The following ALDH1A2 variants were observed in gnomAD, a reference collection of about 807,000 sequenced individuals.
ALDH1A2 encodes the protein retinal dehydrogenase 2.
In ALDH1A2, 27 loss-of-function variants were observed where a neutral mutation model predicts 60.3. The ratio of observed to expected loss-of-function variants is 0.45; its 90% CI spans 0.33 to 0.62. The LOEUF is 0.62. ALDH1A2 is among the 20% of genes least tolerant of loss of function. The probability of loss-of-function intolerance (pLI) is 0.02; values close to 1 mark genes in which losing one functional copy is unlikely to be tolerated. For missense variants in ALDH1A2, 581 were observed against 643.8 expected, an observed-to-expected ratio of 0.90 and a Z score of 1.06; for synonymous variants, 289 against 232.4, an observed-to-expected ratio of 1.24 and a Z score of -2.21.
At chr15:58,010,572 C>A in intron 4 of ALDH1A2, 77 bp downstream of exon 4, 1 of 1,579,948 alleles carries the variant, frequency 6.3e-7, no homozygotes, top group Non-Finnish European at 8.7e-7. Flanking sequence ...TGTGTGACTG[C>A]TGTTTGTGTT....
At chr15:58,024,959 T>C (rs1215270985) in intron 1 of ALDH1A2, among the ~76,000 whole-genome samples, 6 of 151,958 alleles carry the variant, frequency 3.9e-5, no homozygotes, top group South Asian at 2.1e-4. Context: ...CAAATAAAAA[T>C]AGAAATTTAA....
intron 7 of ALDH1A2, among the ~76,000 whole-genome samples, chr15:57,991,021 T>G (rs1255295047): frequency 6.6e-6 from 1 of 152,258 alleles, no homozygotes; most frequent in Non-Finnish European, 1.5e-5. Flanking sequence ...AACCAAGAAC[T>G]TTACTTAATC....
intron 1 of ALDH1A2, among the ~76,000 whole-genome samples, chr15:58,051,155 T>C (rs1345770626): frequency 1.3e-5 from 2 of 152,158 alleles, no homozygotes; most frequent in African/African-American, 4.8e-5. Flanking sequence ...TTTAAAGAAT[T>C]AAATTATTCC....
At chr15:58,043,453 T>A (rs937800574) in intron 1 of ALDH1A2, among the ~76,000 whole-genome samples, 2 of 152,030 alleles carry the variant, frequency 1.3e-5, no homozygotes, top group African/African-American at 4.8e-5. Flanking sequence ...TGTGATAACA[T>A]AGGTTTGATT....
At chr15:58,039,274 T>G (rs557023987) in intron 1 of ALDH1A2, among the ~76,000 whole-genome samples, 36 of 151,766 alleles carry the variant, frequency 2.4e-4, no homozygotes, top group South Asian at 8.3e-4. Context: ...CCTTCTTTAT[T>G]AATAGTGACC....
intron 1 of ALDH1A2, among the ~76,000 whole-genome samples, chr15:58,025,986 C>A (rs1896068702): frequency 6.6e-6 from 1 of 152,222 alleles, no homozygotes; most frequent in Non-Finnish European, 1.5e-5. Flanking sequence ...CCAGGCTCCA[C>A]CTCCAACATT....
At chr15:57,990,342 G>A (rs1317631608) in intron 7 of ALDH1A2, 2 of 152,106 alleles carry the variant, frequency 1.3e-5, no homozygotes, top group Non-Finnish European at 2.9e-5. Context: ...TACAGTTACA[G>A]ATTTACAAGT....
intron 7 of ALDH1A2, among the ~76,000 whole-genome samples, chr15:57,984,399 ACT>A (rs1210270850): frequency 1.3e-5 from 2 of 152,096 alleles, no homozygotes; most frequent in African/African-American, 4.8e-5. Context: ...CATAAAATCC[ACT>A]CTTTTGATGT....
At chr15:58,003,526 G>C (rs533385599) in intron 4 of ALDH1A2, among the ~76,000 whole-genome samples, 4 of 151,820 alleles carry the variant, frequency 2.6e-5, no homozygotes, top group Non-Finnish European at 5.9e-5. Flanking sequence ...CTAACATATC[G>C]TAAGTCCATT....
At chr15:57,962,287 C>A in intron 9 of ALDH1A2, 111 bp from the exon 10 acceptor site, 1 of 1,321,310 alleles carries the variant, frequency 7.6e-7, no homozygotes, top group Non-Finnish European at 1.1e-6. Context: ...TTAACTACAC[C>A]CAGTCAGATC....
At chr15:57,991,443 A>C (rs1269397926) in intron 7 of ALDH1A2, 1 of 152,240 alleles carries the variant, frequency 6.6e-6, no homozygotes. Flanking sequence ...TTATTAATAA[A>C]TCTTTTATTA....
chr15:58,029,862 C>A (rs1001256078), intron 1 of ALDH1A2, among the ~76,000 whole-genome samples: 10 of 152,126 alleles, frequency 6.6e-5, no homozygotes, highest in Non-Finnish European at 1.3e-4. Context: ...TCTGAATAGA[C>A]CAATAATCAG....
chr15:57,959,640 C>T (rs1893656539), intron 12 of ALDH1A2, among the ~76,000 whole-genome samples: 1 of 152,000 alleles, frequency 6.6e-6, no homozygotes, highest in Admixed American at 6.6e-5. Context: ...CTCACAAGAA[C>T]CCTGAGGTAG....
chr15:57,985,682 T>C (rs1894675357), intron 7 of ALDH1A2, among the ~76,000 whole-genome samples: 2 of 152,168 alleles, frequency 1.3e-5, no homozygotes, highest in African/African-American at 4.8e-5. Flanking sequence ...TAGCAACAAA[T>C]ATTTACTATG....
At chr15:58,032,193 A>G (rs1290133723) in intron 1 of ALDH1A2, among the ~76,000 whole-genome samples, 2 of 152,186 alleles carry the variant, frequency 1.3e-5, no homozygotes, top group African/African-American at 2.4e-5. Flanking sequence ...TGATGAGTTC[A>G]TGTCCTTTGT....
chr15:58,034,635 C>T (rs1173245293), intron 1 of ALDH1A2, among the ~76,000 whole-genome samples: 2 of 151,550 alleles, frequency 1.3e-5, no homozygotes, highest in Non-Finnish European at 3.0e-5. Flanking sequence ...AGGAGATTCT[C>T]CTCTATTCAT....
Position 58,014,567 on chromosome 15 carries a change from T to C in ALDH1A2, c.118-286A>G, listed in dbSNP as rs138062267. On this transcript the variant is annotated intron_variant, in intron 1 of 12. Transcript: ENST00000249750. ...AGAGTGTCTCACATACATACAATCA[T>C]ACACTGATGCTAAGGCAAGAGTTAT... 2.9e-3 allele frequency: 1,436 copies of C among 486,962 alleles called. 11 individuals carry two copies. The highest frequency in any genetic ancestry group is 5.6e-3 in the Middle Eastern group (18 of 3,238). 30.2% of individuals were successfully genotyped at this position (486,962 alleles called of 1,614,324 possible). A position where few individuals can be genotyped will look rare whatever the true frequency, so the allele number is the denominator to read the frequency against.
intron 1 of ALDH1A2, among the ~76,000 whole-genome samples, chr15:58,027,377 C>A (rs942551046): frequency 2.0e-5 from 3 of 152,076 alleles, no homozygotes; most frequent in Non-Finnish European, 1.5e-5. Flanking sequence ...ACACCAAAAC[C>A]CCATTTGTAG....
chr15:58,004,142 C>T (rs894752311), intron 4 of ALDH1A2, among the ~76,000 whole-genome samples: 1 of 151,860 alleles, frequency 6.6e-6, no homozygotes, highest in African/African-American at 2.4e-5. Flanking sequence ...CCTTTTGTCT[C>T]CTTCCCAAGT....
Sources: allele counts gnomAD v4.1 joint callset (sites outside exome capture counted in the v4.1 genomes callset), GRCh38; gene constraint gnomAD v4.1.1; transcripts MANE v1.5; gene names NCBI Gene and HGNC (gene_info 2026-07-23, HGNC 2026-07-21).